The following XPR1 variants were observed in gnomAD, a reference collection of about 807,000 sequenced individuals.
XPR1 encodes the protein solute carrier family 53 member 1.
XPR1 carries 28 observed loss-of-function variants against 87.5 expected under a neutral mutation model. The ratio of observed to expected loss-of-function variants is 0.32; its 90% confidence interval spans 0.24 to 0.44. The LOEUF is 0.44. Among genes scored for constraint, XPR1 ranks in the 20% least tolerant of loss-of-function variants. The probability of loss-of-function intolerance (pLI) is 1.00; values close to 1 mark genes in which losing one functional copy is unlikely to be tolerated. For synonymous variants in XPR1, 300 were observed against 306.1 expected, an observed-to-expected ratio of 0.98 and a Z score of 0.21; for missense variants, 559 against 862.3, an observed-to-expected ratio of 0.65 and a Z score of 4.41.
Position 180,880,191 on chromosome 1 carries a change from C to A in XPR1, c.1924C>A (p.Leu642Ile), listed in dbSNP as rs372749930. The change falls in exon 14 of 15, where the codon CTA becomes ATA. Residue 642 changes from leucine (L) to isoleucine (I), a missense_variant. Leu to Ile is a conservative substitution (Grantham distance 5, BLOSUM62 2). Coordinates refer to ENST00000367590, the MANE Select transcript of XPR1 (RefSeq NM_004736.4). ...APLNADDQTL[L>I]EQMMDQDDGV... is the part of the protein sequence containing the mutation. ...CCTGAACGCAGATGATCAGACTCTCCTAGAACAGATGATGGACCAGGATGA... is the reference window on the plus strand; with the variant it reads ...CCTGAACGCAGATGATCAGACTCTCATAGAACAGATGATGGACCAGGATGA... The A allele has an allele frequency of 3.7e-6, 6 of 1,614,140 alleles. No homozygotes were observed. The highest frequency in any genetic ancestry group is 5.1e-6 in the Non-Finnish European group (6 of 1,180,020).
rs543302172 is a variant in XPR1, at chr1:180,784,985, TGTTA to T, written c.122-2764_122-2761del. Among the ~76,000 whole-genome samples the T allele has an allele frequency of 2.2e-3, 268 of 121,536 alleles. 6 individuals are homozygous for T. The highest frequency in any genetic ancestry group is 4.0e-3 in the Non-Finnish European group (211 of 52,736). 79.7% of individuals were successfully genotyped at this position (121,536 alleles called of 152,430 possible). A position where few individuals can be genotyped will look rare whatever the true frequency, so the allele number is the denominator to read the frequency against. ...GCTGTTTTATTTATATTTTTTCGCC[TGTTA>T]GTTTTTTTCGTGTGTGTGTGTTTGT... On this transcript the variant is annotated intron_variant, in intron 2 of 14. Transcript: ENST00000367590.
intron 9 of XPR1, among the ~76,000 whole-genome samples, chr1:180,828,685 A>G (rs1216168528): frequency 6.6e-6 from 1 of 152,208 alleles, no homozygotes; most frequent in African/African-American, 2.4e-5. Context: ...TGGAGCTGCT[A>G]TTAATCCCTA....
chr1:180,754,323 T>C (rs1473847764), intron 2 of XPR1, among the ~76,000 whole-genome samples: 1 of 152,212 alleles, frequency 6.6e-6, no homozygotes, highest in Non-Finnish European at 1.5e-5. Context: ...TCTAGTTTTA[T>C]ATACATGTGA....
chr1:180,655,505 A>G (rs545493768), intron 1 of XPR1, among the ~76,000 whole-genome samples: 17 of 150,128 alleles, frequency 1.1e-4, no homozygotes, highest in South Asian at 4.2e-4. Context: ...GACTCAGCCT[A>G]TCCTCCCACC....
intron 11 of XPR1, among the ~76,000 whole-genome samples, chr1:180,846,446 T>G (rs948659695): frequency 8.1e-6 from 1 of 123,826 alleles, no homozygotes; most frequent in Non-Finnish European, 1.8e-5. Context: ...TGTTTATTTA[T>G]TTATTTTTTT....
At chr1:180,827,153 C>CAAAAAAAAAA (rs11324246) in intron 9 of XPR1, among the ~76,000 whole-genome samples, 4 of 66,894 alleles carry the variant, frequency 6.0e-5, no homozygotes, top group African/African-American at 2.4e-4. Flanking sequence ...GACTCCTTCT[C>CAAAAAAAAAA]AAAAAAAAAA....
intron 7 of XPR1, among the ~76,000 whole-genome samples, chr1:180,824,227 A>T (rs1473313759): frequency 6.6e-6 from 1 of 152,230 alleles, no homozygotes; most frequent in Non-Finnish European, 1.5e-5. Flanking sequence ...TTCTAGTGAC[A>T]TTCTGCAGAG....
intron 9 of XPR1, among the ~76,000 whole-genome samples, chr1:180,828,225 C>A (rs1650928988): frequency 6.6e-6 from 1 of 152,124 alleles, no homozygotes; most frequent in Middle Eastern, 3.4e-3. Flanking sequence ...ATGGTAGGCA[C>A]TGGGTGCCAT....
chr1:180,807,000 G>A (rs1650016130), intron 6 of XPR1, among the ~76,000 whole-genome samples: 1 of 152,066 alleles, frequency 6.6e-6, no homozygotes, highest in Non-Finnish European at 1.5e-5. Flanking sequence ...TTTAAGTCAT[G>A]CAAAGTATAT....
At chr1:180,791,135 C>G (rs1367906145) in intron 3 of XPR1, among the ~76,000 whole-genome samples, 1 of 152,096 alleles carries the variant, frequency 6.6e-6, no homozygotes, top group African/African-American at 2.4e-5. Context: ...TAGCTTTTTT[C>G]TTTTACTATG....
intron 11 of XPR1, among the ~76,000 whole-genome samples, chr1:180,859,472 G>A (rs1652147662): frequency 2.0e-5 from 3 of 152,136 alleles, no homozygotes; most frequent in Admixed American, 1.3e-4. Flanking sequence ...TTAGCCAAGA[G>A]AGAATAAGAT....
intron 2 of XPR1, among the ~76,000 whole-genome samples, chr1:180,695,683 G>A (rs1471420677): frequency 6.6e-6 from 1 of 152,094 alleles, no homozygotes; most frequent in Non-Finnish European, 1.5e-5. Context: ...ATTTTTTGAA[G>A]AGGTTGTTCT....
chr1:180,763,410 G>A (rs1648129416), intron 2 of XPR1, among the ~76,000 whole-genome samples: 1 of 152,092 alleles, frequency 6.6e-6, no homozygotes, highest in Non-Finnish European at 1.5e-5. Context: ...TGTCAAGTGA[G>A]GAAAAAATGA....
At chr1:180,725,847 T>A (rs1330425304) in intron 2 of XPR1, among the ~76,000 whole-genome samples, 9 of 152,244 alleles carry the variant, frequency 5.9e-5, no homozygotes, top group Admixed American at 1.3e-4. Context: ...TTAATTGCTA[T>A]GTGCCCTTAA....
At chr1:180,823,018 T>A (rs1417691901) in intron 7 of XPR1, among the ~76,000 whole-genome samples, 2 of 152,150 alleles carry the variant, frequency 1.3e-5, no homozygotes, top group Non-Finnish European at 2.9e-5. Flanking sequence ...GGAGGGCAGA[T>A]CACCTGAGGT....
chr1:180,758,034 A>T (rs1647824422), intron 2 of XPR1, among the ~76,000 whole-genome samples: 2 of 151,784 alleles, frequency 1.3e-5, no homozygotes, highest in Admixed American at 6.6e-5. Flanking sequence ...ACAGAAGAGT[A>T]TGGTGTTGGA....
intron 2 of XPR1, among the ~76,000 whole-genome samples, chr1:180,719,957 G>A (rs772871185): frequency 1.3e-5 from 2 of 152,152 alleles, no homozygotes; most frequent in Non-Finnish European, 2.9e-5. Context: ...GCTCTGTCTA[G>A]TAGACCAAAA....
At chr1:180,825,635 T>G (rs1650803804) in intron 9 of XPR1, among the ~76,000 whole-genome samples, 1 of 152,216 alleles carries the variant, frequency 6.6e-6, no homozygotes, top group South Asian at 2.1e-4. Context: ...CAAAAAAATG[T>G]GGTAAAAGAA....
chr1:180,677,706 C>T (rs1656413208), intron 1 of XPR1, among the ~76,000 whole-genome samples: 2 of 152,144 alleles, frequency 1.3e-5, no homozygotes, highest in Admixed American at 1.3e-4. Flanking sequence ...AGTCTAGTCT[C>T]CAGGCAAGAA....
Sources: gnomAD v4.1 joint callset for allele counts (sites outside exome capture counted in the v4.1 genomes callset) on GRCh38, gnomAD v4.1.1 for gene constraint, MANE v1.5 for transcripts, NCBI Gene and HGNC (gene_info 2026-07-23, HGNC 2026-07-21) for gene names.